Variants in SYNPR observed in about 807,000 individuals in gnomAD.
SYNPR encodes the protein synaptoporin.
In SYNPR, 23 loss-of-function variants were observed where a neutral mutation model predicts 32.9. The ratio of observed to expected loss-of-function variants is 0.70; its 90% confidence interval spans 0.50 to 0.99. The LOEUF is 0.99. Ranked by LOEUF, SYNPR falls within the 50% of genes least tolerant of loss-of-function variation. The pLI is 0.00. For synonymous variants in SYNPR, 146 were observed against 135.9 expected (o/e 1.07, Z -0.52); for missense variants, 318 against 349.3 (o/e 0.91, Z 0.71).
chr3:63,569,544 A>G (rs1013267489), intron 4 of SYNPR, among the ~76,000 whole-genome samples: 3 of 152,376 alleles, frequency 2.0e-5, no homozygotes, highest in Admixed American at 2.0e-4. Context: ...ATTTGCTTTG[A>G]AACTTGAGAT....
At chr3:63,581,902 T>C (rs1403376235) in intron 4 of SYNPR, among the ~76,000 whole-genome samples, 1 of 152,168 alleles carries the variant, frequency 6.6e-6, no homozygotes, top group Admixed American at 6.6e-5. Context: ...TCTTTTTAAC[T>C]TAAGCTAGAC....
chr3:63,419,739 C>T (rs978741838), intron 2 of SYNPR, among the ~76,000 whole-genome samples: 48 of 152,268 alleles, frequency 3.2e-4, no homozygotes, highest in African/African-American at 1.1e-3. Flanking sequence ...ATATCTTAAG[C>T]ACAGACTGCA....
chr3:63,554,727 G>GT (rs34793289), intron 3 of SYNPR, among the ~76,000 whole-genome samples: 43,598 of 149,660 alleles, frequency 0.29, 6,465 homozygotes, highest in Non-Finnish European at 0.33. Flanking sequence ...TTTTAGAATA[G>GT]TTTTTTTTTT....
chr3:63,467,071 T>G (rs1425261741), intron 2 of SYNPR, among the ~76,000 whole-genome samples: 1 of 152,184 alleles, frequency 6.6e-6, no homozygotes, highest in Non-Finnish European at 1.5e-5. Flanking sequence ...AGTGTGGTGG[T>G]GCAATCACAG....
intron 4 of SYNPR, among the ~76,000 whole-genome samples, chr3:63,604,241 C>G (rs946777333): frequency 1.3e-5 from 2 of 152,084 alleles, no homozygotes; most frequent in African/African-American, 4.8e-5. Context: ...CTATTTTGTT[C>G]TTTACAAGTC....
At chr3:63,201,542 A>G in the SYNPR span, among the ~76,000 whole-genome samples, 8 of 151,906 alleles carry the variant, frequency 5.3e-5, no homozygotes, top group Non-Finnish European at 1.0e-4. Flanking sequence ...GCAAAACATG[A>G]TTTTCCTGCC....
At chr3:63,319,825 G>A (rs543698571) in intron 2 of SYNPR, among the ~76,000 whole-genome samples, 1 of 152,042 alleles carries the variant, frequency 6.6e-6, no homozygotes, top group African/African-American at 2.4e-5. Flanking sequence ...CAATTAGAAA[G>A]TACTATATCA....
chr3:63,238,177 G>A lies in SYNPR; in HGVS notation n.66+9797G>A, dbSNP rs187545602. The stretch of plus-strand genomic sequence containing the variant: ...GAGGTCTGAAGCTGTCTTGCCTCCT[G>A]CTTACTATCTCTCAGCATTCACCTT... On this transcript the variant is annotated intron_variant and non_coding_transcript_variant, in intron 1 of 4. Coordinates refer to the SYNPR transcript ENST00000478456. Among the ~76,000 whole-genome samples the A allele has an allele frequency of 4.0e-3, 602 of 152,220 alleles. 1 individual carries two copies. Among genetic ancestry groups the A allele is most frequent in the Non-Finnish European group, 5.9e-3 (401 of 68,012 alleles).
intron 2 of SYNPR, among the ~76,000 whole-genome samples, chr3:63,351,074 G>C (rs1330271054): frequency 1.3e-5 from 2 of 152,090 alleles, no homozygotes; most frequent in African/African-American, 4.8e-5. Context: ...TTACGTAGTA[G>C]ACTGTCCTAA....
chr3:63,531,131 C>T (rs774204597), intron 3 of SYNPR, among the ~76,000 whole-genome samples: 6 of 152,030 alleles, frequency 3.9e-5, no homozygotes, highest in Non-Finnish European at 7.4e-5. Flanking sequence ...TAGTGGACCG[C>T]GATGCTGGAA....
At chr3:63,272,510 A>AT (rs35963299) in intron 3 of SYNPR, among the ~76,000 whole-genome samples, 42,972 of 136,228 alleles carry the variant, frequency 0.32, 6,802 homozygotes, top group Admixed American at 0.38. Flanking sequence ...TTCCATGGGC[A>AT]TTTTTTTTTT....
chr3:63,494,429 A>ACG (rs1249650753), intron 3 of SYNPR, among the ~76,000 whole-genome samples: 3 of 136,634 alleles, frequency 2.2e-5, no homozygotes, highest in African/African-American at 8.2e-5. Context: ...GTATATATAT[A>ACG]TATACGTATA....
chr3:63,437,992 C>A (rs1010190763), intron 2 of SYNPR, among the ~76,000 whole-genome samples: 22 of 152,126 alleles, frequency 1.4e-4, no homozygotes, highest in African/African-American at 4.6e-4. Flanking sequence ...ACAATGTCTG[C>A]CTAAAGGGGA....
intron 4 of SYNPR, among the ~76,000 whole-genome samples, chr3:63,578,751 GA>G (rs1703036945): frequency 6.6e-6 from 1 of 152,114 alleles, no homozygotes; most frequent in African/African-American, 2.4e-5. Flanking sequence ...ATAGAGCCCA[GA>G]ACCTGTATCT....
At chr3:63,583,515 T>C (rs1238108491) in intron 4 of SYNPR, among the ~76,000 whole-genome samples, 1 of 152,110 alleles carries the variant, frequency 6.6e-6, no homozygotes, top group Admixed American at 6.6e-5. Flanking sequence ...GTGGACATCT[T>C]AAAGAAAATT....
chr3:63,378,554 T>C (rs1292202638), intron 2 of SYNPR, among the ~76,000 whole-genome samples: 2 of 152,116 alleles, frequency 1.3e-5, no homozygotes, highest in African/African-American at 4.8e-5. Context: ...ACTATGAGTA[T>C]GTAATAAGTC....
intron 2 of SYNPR, among the ~76,000 whole-genome samples, chr3:63,410,098 C>G (rs189224978): frequency 6.6e-6 from 1 of 152,176 alleles, no homozygotes; most frequent in Non-Finnish European, 1.5e-5. Context: ...CACAGCTTCA[C>G]CTTGCTCATT....
intron 2 of SYNPR, among the ~76,000 whole-genome samples, chr3:63,364,618 T>A (rs903554563): frequency 2.6e-5 from 4 of 152,250 alleles, no homozygotes; most frequent in African/African-American, 7.2e-5. Context: ...TTATCCAGTA[T>A]AAATTATGGA....
At chr3:63,235,566 G>A (rs145101669) in intron 1 of SYNPR, among the ~76,000 whole-genome samples, 2 of 152,260 alleles carry the variant, frequency 1.3e-5, no homozygotes, top group African/African-American at 4.8e-5. Context: ...ACTCCAGGAA[G>A]CTGTGTGTTT....
Sources: allele counts gnomAD v4.1 joint callset (sites outside exome capture counted in the v4.1 genomes callset), GRCh38; gene constraint gnomAD v4.1.1; transcripts MANE v1.5; gene names NCBI Gene and HGNC (gene_info 2026-07-23, HGNC 2026-07-21).